H6PD: variants seen among roughly 807,000 people sequenced by gnomAD.
The protein encoded by H6PD is hexose-6-phosphate dehydrogenase/glucose 1-dehydrogenase, also known as GDH/6PGL endoplasmic bifunctional protein.
In H6PD, 48 loss-of-function variants were observed where a neutral mutation model predicts 61.2. The observed-to-expected ratio is 0.78, with a 90% confidence interval of 0.62 to 1.00. The LOEUF (loss-of-function observed/expected upper bound fraction) is 1.00. Ranked by LOEUF, H6PD falls within the 50% of genes least tolerant of loss-of-function variation. H6PD has a pLI of 0.00. For missense variants in H6PD, 1,093 were observed against 1,065.0 expected (o/e 1.03, Z -0.37); for synonymous variants, 480 against 457.9 (o/e 1.05, Z -0.62).
intron 3 of H6PD, among the ~76,000 whole-genome samples, chr1:9,257,533 G>C (rs1328523711): frequency 6.6e-6 from 1 of 152,188 alleles, no homozygotes; most frequent in African/African-American, 2.4e-5. Flanking sequence ...ACAATGTGTG[G>C]ATCTTCATTT....
intron 3 of H6PD, among the ~76,000 whole-genome samples, chr1:9,260,757 G>A (rs968678498): frequency 3.3e-5 from 5 of 151,998 alleles, no homozygotes; most frequent in South Asian, 4.1e-4. Flanking sequence ...TATGCTGGTC[G>A]TGCTGCTCCA....
At chr1:9,263,126 T>TA (rs1557750119) in intron 4 of H6PD, among the ~76,000 whole-genome samples, 1 of 151,758 alleles carries the variant, frequency 6.6e-6, no homozygotes, top group Non-Finnish European at 1.5e-5. Context: ...GAAGCACGTT[T>TA]CTCTGTAGGA....
At chr1:9,256,436 C>G (rs1454314039) in intron 3 of H6PD, among the ~76,000 whole-genome samples, 1 of 152,194 alleles carries the variant, frequency 6.6e-6, no homozygotes. Context: ...TTCTTGCCCC[C>G]CAACACTGGT....
In H6PD at chr1:9,262,295, G is replaced by A; in HGVS notation, c.982G>A (p.Asp328Asn). 1 of 1,608,472 alleles carries A rather than the reference G, an allele frequency of 6.2e-7. No individual in the cohort carries two copies. Among genetic ancestry groups the A allele is most frequent in the Non-Finnish European group, 8.5e-7 (1 of 1,177,556 alleles). ...GGTGCGCAGAGAGCTGCAGAAGCCA[G>A]ACAGCTTCCACAGCCTGACGCCGAC... ...EQVRRELQKP[D>N]SFHSLTPTFA... The change falls in exon 4 of 5, where the codon GAC (aspartate) becomes AAC (asparagine). Residue 328 changes from aspartate (D) to asparagine (N), a missense_variant. Physicochemically the swap from Asp to Asn is conservative, Grantham distance 23. Coordinates refer to ENST00000377403, the MANE Select transcript of H6PD (RefSeq NM_004285.4).
chr1:9,248,871 C>T (rs1484343015), intron 3 of H6PD, among the ~76,000 whole-genome samples: 2 of 152,224 alleles, frequency 1.3e-5, no homozygotes, highest in Non-Finnish European at 2.9e-5. Context: ...CCAAATTTCC[C>T]TCCCAGTCCT....
In H6PD at chr1:9,264,466, T is replaced by C. The variant is rs1394626899; in HGVS notation, c.1973T>C (p.Leu658Pro). The C allele has an allele frequency of 2.5e-6, 4 of 1,613,136 alleles. No homozygotes were observed. Among genetic ancestry groups the C allele is most frequent in the Non-Finnish European group, 3.4e-6 (4 of 1,179,964 alleles). ...AACATCCACCCCATGCCTGTGCACCTGCAGCAGCGGCTCTGCGCCGAGGAG... is the reference window on the plus strand; with the variant it reads ...AACATCCACCCCATGCCTGTGCACCCGCAGCAGCGGCTCTGCGCCGAGGAG... ...YYNIHPMPVHLQQRLCAEEDQ... is the reference protein window; with the variant it reads ...YYNIHPMPVHPQQRLCAEEDQ... The change falls in exon 5 of 5, where the codon CTG (leucine) becomes CCG (proline). Residue 658 changes from leucine to proline, a missense_variant. Coordinates refer to ENST00000377403, the MANE Select transcript of H6PD (RefSeq NM_004285.4).
At position 9,239,734 on chromosome 1, in the gene H6PD, C is replaced by A. The variant is rs547852905; in HGVS notation, c.-11+4668C>A. The A allele has an allele frequency of 4.8e-4, 175 of 365,972 alleles. 1 individual carries two copies. The highest frequency in any genetic ancestry group is 3.5e-3 in the African/African-American group (167 of 48,018). The allele number at this position is 365,972 out of a possible 1,614,324, so 22.7% of individuals were successfully genotyped here. On this transcript the variant is annotated intron_variant, in intron 1 of 4. Coordinates refer to ENST00000377403, the MANE Select transcript of H6PD (RefSeq NM_004285.4). Reference sequence around the variant, plus strand: ...GGCGCACAGAAGGTAACGTCAAAAGCTGGGAAAGGGAACAGGGCAGCAGCA... The same window carrying A: ...GGCGCACAGAAGGTAACGTCAAAAGATGGGAAAGGGAACAGGGCAGCAGCA...
rs1267086608 is a variant in H6PD at position 9,269,595 on chromosome 1, A to C, written c.*4726A>C. 6.6e-6 allele frequency: 1 copy of C among 152,294 alleles called. No individual in the cohort carries two copies. The highest frequency in any genetic ancestry group is 2.4e-5 in the African/African-American group (1 of 41,472). The allele number at this position is 152,294 out of a possible 1,614,324, so 9.4% of individuals were successfully genotyped here. On this transcript the variant is annotated 3_prime_UTR_variant, in exon 5 of 5. Coordinates refer to ENST00000377403, the MANE Select transcript of H6PD (RefSeq NM_004285.4). The surrounding 1 kb of genome is among the most constrained non-coding windows in gnomAD (Gnocchi z 4.3). ...TGTGAGTCCCGGTGTCAGTCGGCAC[A>C]GTCCAGTGTCCATCTGCATTTGCTC... is the stretch of plus-strand genomic sequence containing the variant.
intron 3 of H6PD, among the ~76,000 whole-genome samples, chr1:9,256,936 A>G (rs974411462): frequency 2.6e-5 from 4 of 151,970 alleles, no homozygotes; most frequent in African/African-American, 7.3e-5. Context: ...AACAAGAGTC[A>G]TCCTGTATGT....
rs370751354 is a variant in H6PD at position 9,237,236 on chromosome 1, C to CTTTTTTTTT, written c.-11+2188_-11+2196dup. 3.9e-3 allele frequency among the ~76,000 whole-genome samples: 274 copies of CTTTTTTTTT among 71,060 alleles called. 51 individuals carry two copies. Among genetic ancestry groups the CTTTTTTTTT allele is most frequent in the African/African-American group, 0.01 (202 of 20,104 alleles). 46.6% of individuals were successfully genotyped at this position (71,060 alleles called of 152,430 possible). A position where few individuals can be genotyped will look rare whatever the true frequency, so the allele number is the denominator to read the frequency against. On this transcript the variant is annotated intron_variant, in intron 1 of 4. Coordinates refer to ENST00000377403, the MANE Select transcript of H6PD (RefSeq NM_004285.4). ...ACCTTTGGTAAGTTATTTGACTTCT[C>CTTTTTTTTT]TTTTTTTTTTTTTTTTTTTTTTTTT...
At chr1:9,236,879 A>T (rs967360473) in intron 1 of H6PD, among the ~76,000 whole-genome samples, 2 of 152,182 alleles carry the variant, frequency 1.3e-5, no homozygotes, top group Non-Finnish European at 2.9e-5. Flanking sequence ...GTTCTCCAAA[A>T]ACTAGCCCTT....
chr1:9,262,029 C>T (rs1557748778), intron 3 of H6PD, 30 bp from the exon 4 acceptor site: 3 of 1,612,778 alleles, frequency 1.9e-6, no homozygotes, highest in South Asian at 1.1e-5. Flanking sequence ...CTCTTTAGAT[C>T]CTCCCCACTT....
Position 9,266,047 on chromosome 1 carries a change from T to C in H6PD, c.*1178T>C, listed in dbSNP as rs1638548883. The C allele has an allele frequency of 6.6e-6, 1 of 152,284 alleles. No homozygotes were observed. The highest frequency in any genetic ancestry group is 2.1e-4 in the South Asian group (1 of 4,838). The allele number at this position is 152,284 out of a possible 1,614,324, so 9.4% of individuals were successfully genotyped here. ...GTGTTTCCGCTCTCAATAGCCCCTC[T>C]TGTTTTACCAGGAAAGATCCAGTTA... is the stretch of plus-strand genomic sequence containing the variant. On this transcript the variant is annotated 3_prime_UTR_variant, in exon 5 of 5. Transcript: ENST00000377403.
At chr1:9,255,366 C>T (rs1407708525) in intron 3 of H6PD, among the ~76,000 whole-genome samples, 1 of 152,220 alleles carries the variant, frequency 6.6e-6, no homozygotes, top group South Asian at 2.1e-4. Context: ...ACTGCAGCCT[C>T]GACCTCCTAG....
At chr1:9,261,179 C>T (rs764267840) in intron 3 of H6PD, among the ~76,000 whole-genome samples, 4 of 152,148 alleles carry the variant, frequency 2.6e-5, no homozygotes, top group Non-Finnish European at 5.9e-5. Context: ...TAGGTCAGGT[C>T]TCGTCTTCTC....
intron 3 of H6PD, among the ~76,000 whole-genome samples, chr1:9,252,169 GATT>G (rs1465630598): frequency 1.3e-5 from 2 of 152,040 alleles, no homozygotes; most frequent in African/African-American, 4.8e-5. Context: ...ACTTATATTG[GATT>G]ATTATATAAA....
chr1:9,258,986 TTTTG>T lies in H6PD; in HGVS notation c.746-3061_746-3058del, dbSNP rs548735061. Among the ~76,000 whole-genome samples the T allele has an allele frequency of 2.2e-4, 33 of 151,892 alleles. 1 individual carries two copies. The highest frequency in any genetic ancestry group is 7.9e-4 in the Admixed American group (12 of 15,242). ...ATGTTGCTGTTGTTACACTGATGTTTTTTGTTTGTTTGTTTTTGTTTTTGAGGCA... is the reference window on the plus strand; with the variant it reads ...ATGTTGCTGTTGTTACACTGATGTTTTTTGTTTGTTTTTGTTTTTGAGGCA... On this transcript the variant is annotated intron_variant, in intron 3 of 4. Transcript: ENST00000377403.
intron 4 of H6PD, 76 bp downstream of exon 4, chr1:9,262,404 T>G: frequency 7.4e-7 from 1 of 1,342,952 alleles, no homozygotes; most frequent in South Asian, 1.3e-5. Flanking sequence ...CAGACGCCCT[T>G]GGGTGGAGTG....
At chr1:9,251,543 G>C (rs1335233867) in intron 3 of H6PD, among the ~76,000 whole-genome samples, 1 of 152,166 alleles carries the variant, frequency 6.6e-6, no homozygotes, top group Non-Finnish European at 1.5e-5. Context: ...TGGGGGAAAG[G>C]AGCCTGATGC....
Sources: gnomAD v4.1 joint callset for allele counts (sites outside exome capture counted in the v4.1 genomes callset) on GRCh38, gnomAD v4.1.1 for gene constraint, Gnocchi (gnomAD v3.1) non-coding constraint, MANE v1.5 for transcripts, NCBI Gene and HGNC (gene_info 2026-07-23, HGNC 2026-07-21) for gene names.